The following TACR1 variants were observed in gnomAD, a reference collection of about 807,000 sequenced individuals.
TACR1 encodes substance-P receptor.
In TACR1, 25 loss-of-function variants were observed where a neutral mutation model predicts 35.8. The observed-to-expected ratio is 0.70, with a 90% confidence interval of 0.51 to 0.98. The LOEUF (loss-of-function observed/expected upper bound fraction) is 0.98. Among genes scored for constraint, TACR1 ranks in the 50% least tolerant of loss-of-function variants. TACR1 has a pLI of 0.00. For synonymous variants in TACR1, 195 were observed against 206.7 expected (o/e 0.94, Z 0.48); for missense variants, 478 against 522.9 (o/e 0.91, Z 0.84).
chr2:75,061,173 G>A (rs1672665250), intron 2 of TACR1, among the ~76,000 whole-genome samples: 2 of 151,888 alleles, frequency 1.3e-5, no homozygotes, highest in South Asian at 2.1e-4. Flanking sequence ...TTGCGGTTGG[G>A]GGCAATTCCA....
At chr2:75,073,837 G>A (rs1341841418) in intron 2 of TACR1, among the ~76,000 whole-genome samples, 1 of 152,212 alleles carries the variant, frequency 6.6e-6, no homozygotes, top group African/African-American at 2.4e-5. Context: ...CAGAAGGGCT[G>A]TTTCTGCTGG....
At chr2:75,129,986 T>A (rs1267214839) in intron 1 of TACR1, among the ~76,000 whole-genome samples, 1 of 152,232 alleles carries the variant, frequency 6.6e-6, no homozygotes, top group Non-Finnish European at 1.5e-5. Flanking sequence ...CCAGAATCTG[T>A]GGGCTGGGAT....
At chr2:75,159,252 C>T (rs761742665) in intron 1 of TACR1, among the ~76,000 whole-genome samples, 15 of 151,634 alleles carry the variant, frequency 9.9e-5, no homozygotes, top group Admixed American at 2.0e-4. Flanking sequence ...TCAAGCCAAC[C>T]GAAACACAAA....
chr2:75,185,715 A>G (rs1416859018), intron 1 of TACR1, among the ~76,000 whole-genome samples: 1 of 152,220 alleles, frequency 6.6e-6, no homozygotes, highest in Non-Finnish European at 1.5e-5. Flanking sequence ...TTGGATCTAT[A>G]TATTCTGTTT....
At chr2:75,143,222 C>A (rs1198708388) in intron 1 of TACR1, among the ~76,000 whole-genome samples, 1 of 152,130 alleles carries the variant, frequency 6.6e-6, no homozygotes, top group Non-Finnish European at 1.5e-5. Flanking sequence ...CAGGCTGGAT[C>A]CTGATTGGCC....
At chr2:75,160,241 T>G (rs1674971865) in intron 1 of TACR1, among the ~76,000 whole-genome samples, 1 of 101,472 alleles carries the variant, frequency 9.9e-6, no homozygotes, top group South Asian at 3.1e-4. Flanking sequence ...AAAGAATGAG[T>G]AAATAGAAAA....
At chr2:75,059,787 C>T (rs1330733225) in intron 2 of TACR1, among the ~76,000 whole-genome samples, 1 of 152,200 alleles carries the variant, frequency 6.6e-6, no homozygotes, top group Non-Finnish European at 1.5e-5. Flanking sequence ...GGCCATCTCT[C>T]ATTTGATACA....
chr2:75,070,652 A>C (rs1672860192), intron 2 of TACR1, among the ~76,000 whole-genome samples: 1 of 152,158 alleles, frequency 6.6e-6, no homozygotes, highest in Non-Finnish European at 1.5e-5. Flanking sequence ...CTCTGGGTAA[A>C]TTTCATGGGT....
At chr2:75,196,915 G>A (rs914404248) in intron 1 of TACR1, among the ~76,000 whole-genome samples, 35 of 152,266 alleles carry the variant, frequency 2.3e-4, no homozygotes, top group African/African-American at 7.5e-4. Context: ...ACTGGCATCA[G>A]GTTTCACTAC....
intron 1 of TACR1, among the ~76,000 whole-genome samples, chr2:75,160,510 A>T (rs1674980669): frequency 6.6e-6 from 1 of 152,030 alleles, no homozygotes; most frequent in African/African-American, 2.4e-5. Context: ...ATAAAAAGGA[A>T]CTTGCTGGGG....
chr2:75,124,317 C>T (rs563607477), intron 1 of TACR1, among the ~76,000 whole-genome samples: 2 of 152,328 alleles, frequency 1.3e-5, no homozygotes, highest in South Asian at 2.1e-4. Flanking sequence ...CTCTGACAAG[C>T]GGCAGTATCT....
intron 1 of TACR1, among the ~76,000 whole-genome samples, chr2:75,126,852 C>T (rs2103921210): frequency 6.6e-6 from 1 of 152,218 alleles, no homozygotes; most frequent in African/African-American, 2.4e-5. Flanking sequence ...AGACACTTTT[C>T]AAAGAAGACA....
intron 1 of TACR1, among the ~76,000 whole-genome samples, chr2:75,135,940 C>T (rs953014057): frequency 2.0e-5 from 3 of 152,162 alleles, no homozygotes; most frequent in Non-Finnish European, 2.9e-5. Context: ...GTTTCACCAT[C>T]GTTTTGCAAA....
chr2:75,068,584 TCCTATATG>T (rs1186908458), intron 2 of TACR1, among the ~76,000 whole-genome samples: 2 of 152,162 alleles, frequency 1.3e-5, no homozygotes, highest in African/African-American at 4.8e-5. Context: ...ATACAGTGTT[TCCTATATG>T]CCAGGCTCTC....
intron 2 of TACR1, among the ~76,000 whole-genome samples, chr2:75,081,492 G>A (rs1673085034): frequency 1.3e-5 from 2 of 152,160 alleles, no homozygotes; most frequent in South Asian, 4.1e-4. Flanking sequence ...TCCAAGGGTG[G>A]ACCATCCTGC....
intron 2 of TACR1, among the ~76,000 whole-genome samples, chr2:75,069,322 ATATC>A (rs1029567152): frequency 1.7e-4 from 26 of 151,322 alleles, no homozygotes; most frequent in Non-Finnish European, 2.5e-4. Flanking sequence ...ATGTATATCT[ATATC>A]TATATATGTA....
chr2:75,113,775 A>C (rs1371625240), intron 2 of TACR1, among the ~76,000 whole-genome samples: 1 of 152,052 alleles, frequency 6.6e-6, no homozygotes, highest in Non-Finnish European at 1.5e-5. Context: ...TCAATCCTGG[A>C]AACACAAATA....
At chr2:75,094,869 T>A (rs1229087101) in intron 2 of TACR1, among the ~76,000 whole-genome samples, 2 of 116,518 alleles carry the variant, frequency 1.7e-5, no homozygotes, top group African/African-American at 1.2e-4. Context: ...ATTTTTTTTT[T>A]TTTTGCCCAA....
chr2:75,139,357 A>G (rs1674356859), intron 1 of TACR1, among the ~76,000 whole-genome samples: 1 of 152,204 alleles, frequency 6.6e-6, no homozygotes, highest in South Asian at 2.1e-4. Flanking sequence ...CAGGCCTCTC[A>G]GGCTAGGATC....
Sources: gnomAD v4.1 joint callset for allele counts (sites outside exome capture counted in the v4.1 genomes callset) on GRCh38, gnomAD v4.1.1 for gene constraint, MANE v1.5 for transcripts, NCBI Gene and HGNC (gene_info 2026-07-23, HGNC 2026-07-21) for gene names.